MN1: variants seen among roughly 807,000 people sequenced by gnomAD.
MN1 encodes transcriptional activator MN1.
A neutral mutation model predicts 86.9 loss-of-function variants in MN1; 19 were observed. The ratio of observed to expected loss-of-function variants is 0.22; its 90% CI spans 0.15 to 0.32. The LOEUF (loss-of-function observed/expected upper bound fraction) is 0.32, where lower values mean the gene tolerates loss of function less well. Ranked by LOEUF, MN1 falls within the 10% of genes least tolerant of loss-of-function variation. The probability of loss-of-function intolerance (pLI) is 1.00; values close to 1 mark genes in which losing one functional copy is unlikely to be tolerated. For synonymous variants in MN1, 928 were observed against 849.6 expected (o/e 1.09, Z -1.60); for missense variants, 1,841 against 1,862.0 (o/e 0.99, Z 0.21).
chr22:27,799,290 G>T lies in MN1; in HGVS notation c.1254C>A (p.Ser418Arg). 1 of 1,587,306 alleles carries T rather than the reference G, an allele frequency of 6.3e-7. No homozygotes were observed. Among genetic ancestry groups the T allele is most frequent in the Non-Finnish European group, 8.6e-7 (1 of 1,166,980 alleles). Reference protein sequence around the residue: ...EYPIHRLENRSMHPYSEPVFS... With the variant: ...EYPIHRLENRRMHPYSEPVFS... ...AAACAGGCTCGGAATAAGGGTGCAT[G>T]CTCCGGTTCTCCAGCCGGTGGATGG... The change falls in exon 1 of 2, where the codon AGC (serine) becomes AGA (arginine). Residue 418 changes from serine to arginine, a missense_variant. By Grantham distance (110) the Ser-to-Arg change is moderately radical (BLOSUM62 -1). Transcript: ENST00000302326.
In MN1 at chr22:27,787,387, G is replaced by A. The variant is rs568029194; in HGVS notation, c.3781+9376C>T. On this transcript the variant is annotated intron_variant, in intron 1 of 1. Transcript: ENST00000302326. ...AGGTCTCACTGCAAAAGCATTAAGG[G>A]CTTCTGAAGGCTGGACCTGGGGTCT... Among the ~76,000 whole-genome samples the A allele has an allele frequency of 1.2e-3, 182 of 152,312 alleles. 1 individual carries two copies. The highest frequency in any genetic ancestry group is 4.1e-3 in the African/African-American group (170 of 41,572).
Position 27,787,551 on chromosome 22 carries a change from G to GA in MN1, c.3781+9211dup, listed in dbSNP as rs536033354. On this transcript the variant is annotated intron_variant, in intron 1 of 1. Transcript: ENST00000302326. ...CTTTTTGCCTACCATTCAGAGAAAG[G>GA]AAAAATATATATATTGTGTGGGAGG... Among the ~76,000 whole-genome samples the GA allele has an allele frequency of 1.2e-4, 19 of 152,212 alleles. 1 individual carries two copies. In the East Asian group the frequency reaches 3.7e-3, roughly 29 times the overall value.
chr22:27,749,123 G>GCGAGAAC lies in MN1; in HGVS notation c.*1785_*1791dup, dbSNP rs1273348352. On this transcript the variant is annotated 3_prime_UTR_variant, in exon 2 of 2. Coordinates refer to ENST00000302326, the MANE Select transcript of MN1 (RefSeq NM_002430.3). Reference sequence around the variant, plus strand: ...TTTGCTCCTCGTCAAGACTGCCCAGGCGAGAACCGCAGACTCAGACCCCAG... The same window carrying GCGAGAAC: ...TTTGCTCCTCGTCAAGACTGCCCAGGCGAGAACCGAGAACCGCAGACTCAGACCCCAG... 3 of 232,022 alleles carry GCGAGAAC rather than the reference G, an allele frequency of 1.3e-5. No homozygotes were observed. Among genetic ancestry groups the GCGAGAAC allele is most frequent in the Non-Finnish European group, 2.6e-5 (3 of 117,332 alleles). The allele number at this position is 232,022 out of a possible 1,614,324, so 14.4% of individuals were successfully genotyped here. A position where few individuals can be genotyped will look rare whatever the true frequency, so the allele number is the denominator to read the frequency against.
Position 27,797,364 on chromosome 22 carries a change from C to G in MN1, c.3180G>C (p.Ser1060=), listed in dbSNP as rs887838318. 8.7e-6 allele frequency: 14 copies of G among 1,609,860 alleles called. No homozygotes were observed. The highest frequency in any genetic ancestry group is 1.7e-5 in the Admixed American group (1 of 59,992). The change falls in exon 1 of 2, where the codon TCG becomes TCC. Residue 1060 remains serine (S), a synonymous_variant. Coordinates refer to ENST00000302326, the MANE Select transcript of MN1 (RefSeq NM_002430.3). Reference sequence around the variant, plus strand: ...GTGCCTGGGGGTTGTCAGAGCTGGACGACACCTCGTCCTCATTGGCGTAGC... The same window carrying G: ...GTGCCTGGGGGTTGTCAGAGCTGGAGGACACCTCGTCCTCATTGGCGTAGC... The part of the protein sequence containing the change: ...STSYANEDEV[S]SSSDNPQALV...
chr22:27,758,983 G>A (rs1465554457), intron 1 of MN1, among the ~76,000 whole-genome samples: 8 of 152,046 alleles, frequency 5.3e-5, no homozygotes, highest in Non-Finnish European at 1.0e-4. Context: ...GCGCCACCAC[G>A]CCCGGCTAAT....
At chr22:27,782,263 C>G (rs1328593419) in intron 1 of MN1, among the ~76,000 whole-genome samples, 1 of 152,218 alleles carries the variant, frequency 6.6e-6, no homozygotes, top group Non-Finnish European at 1.5e-5. Context: ...TTCCCCGGCC[C>G]CACACCGGCC....
At position 27,764,139 on chromosome 22, in the gene MN1, G is replaced by T. The variant is rs533673890; in HGVS notation, c.3782-13043C>A. Among the ~76,000 whole-genome samples the T allele has an allele frequency of 3.3e-5, 5 of 152,296 alleles. No individual in the cohort carries two copies. The South Asian group carries it at 1.0e-3, about 32-fold the overall frequency. On this transcript the variant is annotated intron_variant, in intron 1 of 1. Transcript: ENST00000302326. Reference sequence around the variant, plus strand: ...GTTCCTGCCAGCAATGGGGAGCCAAGGAAGGCTTCTGAGCAGAGAAGGAGC... The same window carrying T: ...GTTCCTGCCAGCAATGGGGAGCCAATGAAGGCTTCTGAGCAGAGAAGGAGC...
chr22:27,790,299 G>A (rs5762354), intron 1 of MN1, among the ~76,000 whole-genome samples: 26,997 of 152,242 alleles, frequency 0.18, 2,802 homozygotes, highest in South Asian at 0.28. Flanking sequence ...CGCACACTTG[G>A]CAGGGTATCA....
At position 27,767,976 on chromosome 22, in the gene MN1, C is replaced by T. The variant is rs371160351; in HGVS notation, c.3782-16880G>A. On this transcript the variant is annotated intron_variant, in intron 1 of 1. Coordinates refer to ENST00000302326, the MANE Select transcript of MN1 (RefSeq NM_002430.3). ...AAGGATGCAGAAACAGGTTCAGAGA[C>T]GTGGGGTGACTTGCCCAACACCACA... is the stretch of plus-strand genomic sequence containing the variant. Among the ~76,000 whole-genome samples the T allele has an allele frequency of 3.9e-5, 6 of 152,186 alleles. No individual in the cohort carries two copies. The South Asian group carries it at 6.2e-4, about 16-fold the overall frequency.
At chr22:27,778,582 A>G (rs944331233) in intron 1 of MN1, among the ~76,000 whole-genome samples, 1 of 152,216 alleles carries the variant, frequency 6.6e-6, no homozygotes, top group African/African-American at 2.4e-5. Context: ...GCTTTTCATT[A>G]TCTGTCTTAA....
chr22:27,765,943 C>T (rs74851938), intron 1 of MN1, among the ~76,000 whole-genome samples: 2,264 of 152,216 alleles, frequency 0.015, 22 homozygotes, highest in Middle Eastern at 0.044. Flanking sequence ...TGCCTGTGCC[C>T]GGCACACCCA....
intron 1 of MN1, among the ~76,000 whole-genome samples, chr22:27,756,809 G>T (rs1174658401): frequency 6.6e-6 from 1 of 152,188 alleles, no homozygotes; most frequent in Non-Finnish European, 1.5e-5. Flanking sequence ...AGGCTGGAGT[G>T]CAGTGGCACA....
chr22:27,798,805 T>G lies in MN1; in HGVS notation c.1739A>C (p.His580Pro), dbSNP rs1285413526. 1 of 1,535,872 alleles carries G rather than the reference T, an allele frequency of 6.5e-7. No individual in the cohort carries two copies. The highest frequency in any genetic ancestry group is 2.0e-5 in the Admixed American group (1 of 50,956). Residue 580 changes from histidine (H) to proline (P), a missense_variant, in exon 1 of 2, where the codon CAC (histidine) becomes CCC (proline). Coordinates refer to ENST00000302326, the MANE Select transcript of MN1 (RefSeq NM_002430.3). ...GCCGCCCTGGCCCACGTCCCCGGGG[T>G]GGCCTAGCTGAGCCAGGTTGGGCTG... The part of the protein sequence containing the change: ...LRQPNLAQLG[H>P]PGDVGQGGLV...
intron 1 of MN1, among the ~76,000 whole-genome samples, chr22:27,764,045 C>T (rs952991252): frequency 3.3e-5 from 5 of 152,052 alleles, no homozygotes; most frequent in Non-Finnish European, 5.9e-5. Context: ...GGGTGTGAAA[C>T]GAGGGAAGAG....
At chr22:27,785,759 G>T (rs1007404644) in intron 1 of MN1, among the ~76,000 whole-genome samples, 9 of 131,134 alleles carry the variant, frequency 6.9e-5, no homozygotes, top group Non-Finnish European at 9.3e-5. Flanking sequence ...CCCCCCCCAT[G>T]GCCCCTCCCA....
chr22:27,780,078 A>T (rs1250366598), intron 1 of MN1, among the ~76,000 whole-genome samples: 1 of 152,170 alleles, frequency 6.6e-6, no homozygotes, highest in Non-Finnish European at 1.5e-5. Flanking sequence ...GCCATCTCAG[A>T]AAGGGCCAGA....
intron 1 of MN1, 100 bp from the exon 2 acceptor site, chr22:27,751,196 G>A (rs1032525464): frequency 2.8e-5 from 26 of 941,324 alleles, no homozygotes; most frequent in Admixed American, 9.6e-5. Context: ...GACAGGCACC[G>A]TCCACGCCCT....
chr22:27,759,504 G>T (rs571993195), intron 1 of MN1, among the ~76,000 whole-genome samples: 59 of 152,180 alleles, frequency 3.9e-4, no homozygotes, highest in African/African-American at 1.3e-3. Flanking sequence ...CAGCTTAGAG[G>T]TTGTCCCAAC....
rs375254416 is a variant in MN1 at position 27,798,397 on chromosome 22, C to T, written c.2147G>A (p.Gly716Glu). 4 of 1,514,478 alleles carry T rather than the reference C, an allele frequency of 2.6e-6. No homozygotes were observed. In the African/African-American group the frequency reaches 5.7e-5, roughly 22 times the overall value. 93.8% of individuals were successfully genotyped at this position (1,514,478 alleles called of 1,614,324 possible). Residue 716 changes from glycine (G) to glutamate (E), a missense_variant, in exon 1 of 2, where the codon GGG (glycine) becomes GAG (glutamate). Coordinates refer to ENST00000302326, the MANE Select transcript of MN1 (RefSeq NM_002430.3). ...AGCGCTGGGGAGCCCCACGCCCGCC[C>T]CGGGCGACTGCAGCTGACCCAGGCC... is the stretch of plus-strand genomic sequence containing the variant. ...LGGLGQLQSP[G>E]AGVGLPSAAS...
Sources: gnomAD v4.1 joint callset for allele counts (sites outside exome capture counted in the v4.1 genomes callset) on GRCh38, gnomAD v4.1.1 for gene constraint, MANE v1.5 for transcripts, NCBI Gene and HGNC (gene_info 2026-07-23, HGNC 2026-07-21) for gene names.